BACH2: variants seen among roughly 807,000 people sequenced by gnomAD.
BACH2 encodes BACH transcriptional regulator 2, also known as transcription regulator protein BACH2.
Under a neutral mutation model 61.8 loss-of-function variants are expected in BACH2, and 5 were observed. That is an observed-to-expected ratio of 0.08 (90% CI 0.04 to 0.17). The LOEUF is 0.17. Among genes scored for constraint, BACH2 ranks in the 10% least tolerant of loss-of-function variants. The pLI, the probability that BACH2 is intolerant of heterozygous loss-of-function variation, is 1.00. For missense variants in BACH2, 824 were observed against 1,091.1 expected, an observed-to-expected ratio of 0.76 and a Z score of 3.45; for synonymous variants, 446 against 440.1, an observed-to-expected ratio of 1.01 and a Z score of -0.17.
At chr6:90,282,400 T>G (rs1036026204) in intron 1 of BACH2, among the ~76,000 whole-genome samples, 2 of 152,212 alleles carry the variant, frequency 1.3e-5, no homozygotes, top group East Asian at 3.8e-4. Context: ...AGTGAGAATG[T>G]GCAGTTTGGT....
chr6:90,234,060 C>G (rs1376469136), intron 3 of BACH2, among the ~76,000 whole-genome samples: 1 of 152,178 alleles, frequency 6.6e-6, no homozygotes, highest in African/African-American at 2.4e-5. Flanking sequence ...ACACTCTCGG[C>G]CCCTTATCAC....
intron 5 of BACH2, among the ~76,000 whole-genome samples, chr6:90,084,880 T>TTATA (rs1170639707): frequency 6.6e-6 from 1 of 152,064 alleles, no homozygotes; most frequent in Non-Finnish European, 1.5e-5. Context: ...CCATGGATCC[T>TTATA]TATAGATGAC....
chr6:90,036,780 T>C (rs2127789709), intron 5 of BACH2, among the ~76,000 whole-genome samples: 1 of 152,302 alleles, frequency 6.6e-6, no homozygotes, highest in East Asian at 1.9e-4. Context: ...TCATTGAGTT[T>C]TGACAAATAC....
chr6:90,075,817 T>A (rs1248188701), intron 5 of BACH2, among the ~76,000 whole-genome samples: 1 of 152,146 alleles, frequency 6.6e-6, no homozygotes, highest in African/African-American at 2.4e-5. Flanking sequence ...AGGATCTCTA[T>A]CCATTCAGGA....
chr6:90,264,511 A>T (rs927179513), intron 2 of BACH2, among the ~76,000 whole-genome samples: 1 of 152,232 alleles, frequency 6.6e-6, no homozygotes, highest in Non-Finnish European at 1.5e-5. Context: ...AAAAAATTTT[A>T]AAAGAATTAC....
chr6:90,106,296 G>A (rs900060774), intron 4 of BACH2, among the ~76,000 whole-genome samples: 2 of 152,162 alleles, frequency 1.3e-5, no homozygotes, highest in African/African-American at 4.8e-5. Flanking sequence ...TTTCCATGAA[G>A]TAAATAAAGT....
At chr6:89,968,430 C>A (rs1219825277) in intron 6 of BACH2, among the ~76,000 whole-genome samples, 1 of 152,204 alleles carries the variant, frequency 6.6e-6, no homozygotes, top group Non-Finnish European at 1.5e-5. Flanking sequence ...TGTTAAAAAT[C>A]TGCATTGTGA....
At chr6:90,266,177 A>G (rs1771323362) in intron 2 of BACH2, among the ~76,000 whole-genome samples, 1 of 152,206 alleles carries the variant, frequency 6.6e-6, no homozygotes, top group Non-Finnish European at 1.5e-5. Flanking sequence ...CATGGAGGCT[A>G]GAGCAGACCT....
chr6:90,233,223 T>C (rs1478134336), intron 3 of BACH2, among the ~76,000 whole-genome samples: 1 of 152,228 alleles, frequency 6.6e-6, no homozygotes, highest in East Asian at 1.9e-4. Flanking sequence ...GAGCTTGCAC[T>C]CATGACTTTG....
At chr6:90,151,511 G>A (rs1266555357) in intron 4 of BACH2, among the ~76,000 whole-genome samples, 1 of 152,152 alleles carries the variant, frequency 6.6e-6, no homozygotes, top group Non-Finnish European at 1.5e-5. Context: ...GGCTGGTCTT[G>A]AACTCCTGGG....
At chr6:89,999,112 C>T (rs193057367) in intron 6 of BACH2, among the ~76,000 whole-genome samples, 7 of 152,256 alleles carry the variant, frequency 4.6e-5, no homozygotes, top group Admixed American at 1.3e-4. Context: ...AAAAACACAC[C>T]GTGCTTTCAC....
rs1217917542 is a variant in BACH2, at chr6:89,976,125, G to A, written c.244-24263C>T. ...CACTTCTCCTATAGCAAGCAAGATC[G>A]CCCGCTGTTCTGAGGCCACTAGACA... On this transcript the variant is annotated intron_variant, in intron 6 of 8. Coordinates refer to ENST00000257749, the MANE Select transcript of BACH2 (RefSeq NM_021813.4). Among the ~76,000 whole-genome samples, 4 of 152,292 alleles carry A rather than the reference G, an allele frequency of 2.6e-5. No individual in the cohort carries two copies. In the South Asian group the frequency reaches 6.2e-4, roughly 24 times the overall value.
At chr6:90,267,830 G>C (rs1207944288) in intron 2 of BACH2, among the ~76,000 whole-genome samples, 1 of 152,038 alleles carries the variant, frequency 6.6e-6, no homozygotes, top group Non-Finnish European at 1.5e-5. Context: ...CCATGTAAAG[G>C]TATATGTTTG....
intron 5 of BACH2, among the ~76,000 whole-genome samples, chr6:90,088,736 C>T (rs902892542): frequency 6.6e-6 from 1 of 152,046 alleles, no homozygotes; most frequent in African/African-American, 2.4e-5. Flanking sequence ...GCAAGCTGTA[C>T]TTCAACAAGC....
At chr6:90,171,324 A>G (rs979536936) in intron 4 of BACH2, among the ~76,000 whole-genome samples, 1 of 152,050 alleles carries the variant, frequency 6.6e-6, no homozygotes, top group Non-Finnish European at 1.5e-5. Context: ...AAGCTAGGAG[A>G]ATCGCTTGAA....
At chr6:90,121,180 G>C (rs1463877551) in intron 4 of BACH2, among the ~76,000 whole-genome samples, 1 of 152,164 alleles carries the variant, frequency 6.6e-6, no homozygotes, top group Non-Finnish European at 1.5e-5. Context: ...TCGAAGAAAA[G>C]GCCTCGAGCC....
chr6:89,947,026 C>T (rs1321649022), intron 7 of BACH2, among the ~76,000 whole-genome samples: 1 of 152,144 alleles, frequency 6.6e-6, no homozygotes, highest in South Asian at 2.1e-4. Context: ...TTTGGTCTAA[C>T]GTTTTGGCTC....
intron 4 of BACH2, among the ~76,000 whole-genome samples, chr6:90,127,246 T>C (rs1487270238): frequency 6.6e-6 from 1 of 151,578 alleles, no homozygotes; most frequent in Non-Finnish European, 1.5e-5. Context: ...AGATTGTAAA[T>C]GCCACCCTCC....
chr6:90,194,467 G>A (rs1345269353), intron 4 of BACH2, among the ~76,000 whole-genome samples: 1 of 152,170 alleles, frequency 6.6e-6, no homozygotes, highest in Non-Finnish European at 1.5e-5. Context: ...TTCAGCCTGA[G>A]CTCAGAGCTC....
Sources: gnomAD v4.1 joint callset for allele counts (sites outside exome capture counted in the v4.1 genomes callset) on GRCh38, gnomAD v4.1.1 for gene constraint, MANE v1.5 for transcripts, NCBI Gene and HGNC (gene_info 2026-07-23, HGNC 2026-07-21) for gene names.